The following SLC25A33 variants were observed in gnomAD, a reference collection of about 807,000 sequenced individuals.
The protein encoded by SLC25A33 is bone marrow stromal cell mitochondrial carrier protein.
Under a neutral mutation model 35.5 loss-of-function variants are expected in SLC25A33, and 15 were observed. The observed-to-expected ratio is 0.42, with a 90% CI of 0.28 to 0.65. The LOEUF is 0.65. SLC25A33 is among the 30% of genes least tolerant of loss of function. SLC25A33 has a pLI of 0.20. For synonymous variants in SLC25A33, 136 were observed against 148.7 expected, an observed-to-expected ratio of 0.91 and a Z score of 0.62; for missense variants, 257 against 398.5, an observed-to-expected ratio of 0.64 and a Z score of 3.02.
At chr1:9,558,205 A>G (rs1426140790) in intron 2 of SLC25A33, among the ~76,000 whole-genome samples, 1 of 152,194 alleles carries the variant, frequency 6.6e-6, no homozygotes, top group Non-Finnish European at 1.5e-5. Flanking sequence ...AGAAATGAAC[A>G]AGCCCCAGAC....
At chr1:9,581,298 G>A (rs114364337) in intron 6 of SLC25A33, among the ~76,000 whole-genome samples, 279 of 152,284 alleles carry the variant, frequency 1.8e-3, no homozygotes, top group African/African-American at 6.5e-3. Context: ...AGTAGAAAAC[G>A]TTTCCAGGAG....
At chr1:9,572,009 G>A (rs1643597264) in intron 4 of SLC25A33, among the ~76,000 whole-genome samples, 1 of 152,154 alleles carries the variant, frequency 6.6e-6, no homozygotes, top group Non-Finnish European at 1.5e-5. Context: ...CAGTCTGTAA[G>A]ATGTACACAC....
chr1:9,541,023 A>G (rs1484007355), intron 1 of SLC25A33, among the ~76,000 whole-genome samples: 4 of 151,734 alleles, frequency 2.6e-5, no homozygotes, highest in African/African-American at 4.8e-5. Flanking sequence ...TCTGTCGCCC[A>G]GGCTGGAGTG....
At chr1:9,549,974 ATG>A (rs1297673429) in intron 1 of SLC25A33, among the ~76,000 whole-genome samples, 8 of 126,254 alleles carry the variant, frequency 6.3e-5, no homozygotes, top group African/African-American at 2.4e-4. Flanking sequence ...ATTTCTATAT[ATG>A]TATATATATT....
chr1:9,567,248 AG>A (rs1557532827), intron 2 of SLC25A33, 35 bp from the exon 3 acceptor site: 2 of 1,568,246 alleles, frequency 1.3e-6, no homozygotes, highest in Non-Finnish European at 1.8e-6. Context: ...GCCTTGCCTG[AG>A]GGGTTTTAAA....
intron 3 of SLC25A33, among the ~76,000 whole-genome samples, chr1:9,567,719 G>A (rs1643532097): frequency 6.6e-6 from 1 of 152,176 alleles, no homozygotes; most frequent in Non-Finnish European, 1.5e-5. Flanking sequence ...ACCTACATCA[G>A]AATCTGCATT....
chr1:9,564,552 G>C (rs1484631773), intron 2 of SLC25A33, among the ~76,000 whole-genome samples: 1 of 151,604 alleles, frequency 6.6e-6, no homozygotes, highest in Non-Finnish European at 1.5e-5. Flanking sequence ...ATAATAAAAT[G>C]TGGTATATAC....
At chr1:9,541,748 AAG>A (rs1420302491) in intron 1 of SLC25A33, among the ~76,000 whole-genome samples, 98 of 151,734 alleles carry the variant, frequency 6.5e-4, no homozygotes, top group Non-Finnish European at 1.3e-3. Flanking sequence ...AAAAAAAAAA[AAG>A]GAATTTCTGC....
At chr1:9,580,332 G>A in intron 6 of SLC25A33, 98 bp downstream of exon 6, 1 of 1,463,580 alleles carries the variant, frequency 6.8e-7, no homozygotes, top group South Asian at 1.3e-5. Flanking sequence ...TGAGGCGCAG[G>A]ATCCCTGCAG....
chr1:9,572,194 C>A lies in SLC25A33; in HGVS notation c.416-1152C>A, dbSNP rs566347486. Reference sequence around the variant, plus strand: ...AAAGGCAGAGTTCCAAAACAGGTAGCCCTTTACTTAAAGATAGGCCAGTAG... The same window carrying A: ...AAAGGCAGAGTTCCAAAACAGGTAGACCTTTACTTAAAGATAGGCCAGTAG... On this transcript the variant is annotated intron_variant, in intron 4 of 6. Transcript: ENST00000302692. 7.2e-5 allele frequency among the ~76,000 whole-genome samples: 11 copies of A among 152,298 alleles called. No individual in the cohort carries two copies. In the South Asian group the frequency reaches 2.3e-3, roughly 32 times the overall value.
chr1:9,554,447 C>CCTCCTGGATTCAAGCGATT (rs1643312687), intron 2 of SLC25A33, among the ~76,000 whole-genome samples: 1 of 152,230 alleles, frequency 6.6e-6, no homozygotes. Context: ...GCAACCTCTG[C>CCTCCTGGATTCAAGCGATT]CTCCTGGATT....
Position 9,546,743 on chromosome 1 carries a change from G to A in SLC25A33, c.57-6883G>A, listed in dbSNP as rs181885305. Among the ~76,000 whole-genome samples the A allele has an allele frequency of 7.9e-5, 12 of 152,094 alleles. No homozygotes were observed. The East Asian group carries it at 1.4e-3, about 17-fold the overall frequency. On this transcript the variant is annotated intron_variant, in intron 1 of 6. Transcript: ENST00000302692. ...GTAATAGAAGATTCAACTTCAAACC[G>A]GCTTGCTTATGGGTACAAAAACCTG...
intron 1 of SLC25A33, among the ~76,000 whole-genome samples, chr1:9,551,314 A>G (rs1189298881): frequency 2.6e-5 from 4 of 152,190 alleles, no homozygotes; most frequent in African/African-American, 9.6e-5. Flanking sequence ...CAGAGGTTGC[A>G]GTGAACTGAA....
chr1:9,539,589 C>T lies in SLC25A33; in HGVS notation c.-103C>T, dbSNP rs112358601. 0.18 allele frequency: 173,263 copies of T among 947,060 alleles called. 19,207 individuals carry two copies. Among genetic ancestry groups the T allele is most frequent in the African/African-American group, 0.48 (27,202 of 56,734 alleles). 58.7% of individuals were successfully genotyped at this position (947,060 alleles called of 1,614,324 possible). ...CGCATGGAGGCGTTGCCGGCAGCCCCCTGAGGGCAGCGGGGAGACAAGACC... is the reference window on the plus strand; with the variant it reads ...CGCATGGAGGCGTTGCCGGCAGCCCTCTGAGGGCAGCGGGGAGACAAGACC... On this transcript the variant is annotated 5_prime_UTR_variant, in exon 1 of 7. Coordinates refer to ENST00000302692, the MANE Select transcript of SLC25A33 (RefSeq NM_032315.3).
chr1:9,579,784 C>T (rs901709691), intron 5 of SLC25A33, among the ~76,000 whole-genome samples, 170 bp from the exon 6 acceptor site: 6 of 152,180 alleles, frequency 3.9e-5, no homozygotes, highest in East Asian at 1.9e-4. Context: ...GCTGCCCCTG[C>T]GGCCTCACAC....
chr1:9,571,440 C>T (rs951194873), intron 4 of SLC25A33, among the ~76,000 whole-genome samples: 10 of 151,664 alleles, frequency 6.6e-5, no homozygotes, highest in African/African-American at 2.2e-4. Flanking sequence ...ACTATAGGCA[C>T]GTGTCACCAC....
At chr1:9,566,378 G>A (rs950333418) in intron 2 of SLC25A33, among the ~76,000 whole-genome samples, 1 of 152,106 alleles carries the variant, frequency 6.6e-6, no homozygotes, top group Admixed American at 6.6e-5. Context: ...ACTACATTAG[G>A]TAAAGATCTA....
Position 9,583,628 on chromosome 1 carries a change from A to C in SLC25A33, c.*1127A>C, listed in dbSNP as rs1643771381. 6.6e-6 allele frequency: 1 copy of C among 152,128 alleles called. No individual in the cohort carries two copies. The highest frequency in any genetic ancestry group is 2.1e-4 in the South Asian group (1 of 4,828). The allele number at this position is 152,128 out of a possible 1,614,324, so 9.4% of individuals were successfully genotyped here. A position where few individuals can be genotyped will look rare whatever the true frequency, so the allele number is the denominator to read the frequency against. ...TCTTGGACCTCTGCTCTTGCAGAAAAGGAGCACAACGTAGGACTATGGCTC... is the reference window on the plus strand; with the variant it reads ...TCTTGGACCTCTGCTCTTGCAGAAACGGAGCACAACGTAGGACTATGGCTC... On this transcript the variant is annotated 3_prime_UTR_variant, in exon 7 of 7. Transcript: ENST00000302692.
intron 5 of SLC25A33, among the ~76,000 whole-genome samples, chr1:9,575,072 G>T (rs1643641913): frequency 6.6e-6 from 1 of 151,644 alleles, no homozygotes; most frequent in Non-Finnish European, 1.5e-5. Flanking sequence ...AATAAGCCGG[G>T]CGTGATGGTG....
Sources: gnomAD v4.1 joint callset for allele counts (sites outside exome capture counted in the v4.1 genomes callset) on GRCh38, gnomAD v4.1.1 for gene constraint, MANE v1.5 for transcripts, NCBI Gene and HGNC (gene_info 2026-07-23, HGNC 2026-07-21) for gene names.